Variants in RANBP2 observed in about 807,000 individuals in gnomAD.
The protein encoded by RANBP2 is E3 SUMO-protein ligase RanBP2.
Under a neutral mutation model 303.6 loss-of-function variants are expected in RANBP2, and 57 were observed. The observed-to-expected ratio is 0.19, with a 90% CI of 0.15 to 0.23. The LOEUF is 0.23. Among genes scored for constraint, RANBP2 ranks in the 10% least tolerant of loss-of-function variants. The pLI is 1.00. For synonymous variants in RANBP2, 1,167 were observed against 1,301.5 expected (o/e 0.90, Z 2.23); for missense variants, 3,138 against 3,780.8 (o/e 0.83, Z 4.46).
the RANBP2 span, among the ~76,000 whole-genome samples, chr2:109,017,108 T>C: frequency 1.3e-5 from 2 of 152,262 alleles, no homozygotes; most frequent in Non-Finnish European, 1.5e-5. Context: ...TCTTGACTTA[T>C]TCTCCCATCA....
At chr2:109,297,750 T>G in the RANBP2 span, among the ~76,000 whole-genome samples, 1 of 144,094 alleles carries the variant, frequency 6.9e-6, no homozygotes, top group East Asian at 2.1e-4. Flanking sequence ...ACAGTGTCCC[T>G]TATCCAGTCA....
At chr2:108,994,978 C>T in the RANBP2 span, among the ~76,000 whole-genome samples, 309 of 151,632 alleles carry the variant, frequency 2.0e-3, 1 homozygote, top group Non-Finnish European at 3.6e-3. Flanking sequence ...TACAGGCGCC[C>T]GCCACCACGC....
the RANBP2 span, chr2:109,419,409 C>A: frequency 1.1e-6 from 1 of 922,568 alleles, no homozygotes; most frequent in Middle Eastern, 2.2e-4. Flanking sequence ...AGGCACAGCA[C>A]GTTGGAGGCC....
the RANBP2 span, among the ~76,000 whole-genome samples, chr2:109,144,925 C>T: frequency 1.3e-5 from 2 of 152,178 alleles, no homozygotes; most frequent in Non-Finnish European, 1.5e-5. Context: ...GTGGACACTG[C>T]GCACTGTGGG....
At chr2:109,434,211 C>T in the RANBP2 span, among the ~76,000 whole-genome samples, 14 of 152,228 alleles carry the variant, frequency 9.2e-5, no homozygotes, top group Admixed American at 1.3e-4. Context: ...CCTGAGATGG[C>T]GGGTGTCCAC....
At chr2:109,529,466 A>G in the RANBP2 span, among the ~76,000 whole-genome samples, 12 of 152,184 alleles carry the variant, frequency 7.9e-5, no homozygotes, top group Non-Finnish European at 1.5e-4. Flanking sequence ...CAGCCCCTGC[A>G]CGGGGAAGGA....
At chr2:109,289,866 C>A in the RANBP2 span, among the ~76,000 whole-genome samples, 1 of 152,192 alleles carries the variant, frequency 6.6e-6, no homozygotes, top group East Asian at 1.9e-4. Flanking sequence ...TATTGTGTAT[C>A]GCATTGCGGG....
At chr2:108,993,253 G>A in the RANBP2 span, among the ~76,000 whole-genome samples, 1 of 152,136 alleles carries the variant, frequency 6.6e-6, no homozygotes, top group African/African-American at 2.4e-5. Context: ...TGGACCAAAG[G>A]TCTTGTACAA....
the RANBP2 span, among the ~76,000 whole-genome samples, chr2:109,694,903 G>T: frequency 6.7e-6 from 1 of 149,270 alleles, no homozygotes; most frequent in Non-Finnish European, 1.5e-5. Flanking sequence ...CCCACTCTCG[G>T]TTTCCTTCTA....
the RANBP2 span, among the ~76,000 whole-genome samples, chr2:109,149,021 C>G: frequency 6.6e-6 from 1 of 152,124 alleles, no homozygotes; most frequent in East Asian, 1.9e-4. Context: ...TGCAGATCCC[C>G]CTTTCTCTTC....
At chr2:109,452,981 G>A in the RANBP2 span, among the ~76,000 whole-genome samples, 1 of 151,160 alleles carries the variant, frequency 6.6e-6, no homozygotes, top group East Asian at 2.0e-4. Flanking sequence ...TCCCTGGGAG[G>A]CTATTCCCGG....
chr2:108,829,214 A>G, the RANBP2 span, among the ~76,000 whole-genome samples: 1 of 152,178 alleles, frequency 6.6e-6, no homozygotes, highest in South Asian at 2.1e-4. Context: ...GGGAGGAAAT[A>G]TTAGCAAATT....
chr2:109,583,577 T>C, the RANBP2 span, among the ~76,000 whole-genome samples: 1 of 152,208 alleles, frequency 6.6e-6, no homozygotes, highest in Non-Finnish European at 1.5e-5. Flanking sequence ...GAAAGCAGTT[T>C]GGAGATTTCT....
the RANBP2 span, among the ~76,000 whole-genome samples, chr2:109,509,346 C>A: frequency 3.9e-5 from 6 of 152,158 alleles, no homozygotes; most frequent in Non-Finnish European, 8.8e-5. Flanking sequence ...TATCAAAATA[C>A]CATGCACTGC....
chr2:108,961,768 T>C, the RANBP2 span, among the ~76,000 whole-genome samples: 1 of 152,068 alleles, frequency 6.6e-6, no homozygotes, highest in African/African-American at 2.4e-5. Context: ...GATCAGCCCA[T>C]GTGTTGGGTC....
At chr2:108,726,665 TG>T (rs1694738370) in intron 1 of RANBP2, among the ~76,000 whole-genome samples, 1 of 151,824 alleles carries the variant, frequency 6.6e-6, no homozygotes, top group Non-Finnish European at 1.5e-5. Flanking sequence ...TGATAATTCT[TG>T]GGTGTTTCTC....
Position 108,763,946 on chromosome 2 carries a change from G to A in RANBP2, c.3407G>A (p.Gly1136Asp), listed in dbSNP as rs1309975410. ...AGTGATGATATGTTTACTTTCCATG[G>A]TCCAGGGAAATCAGTATTTGGAACA... ...RRSDDMFTFH[G>D]PGKSVFGTPT... Residue 1136 changes from glycine to aspartate, a missense_variant, in exon 20 of 29, where the codon GGT (glycine) becomes GAT (aspartate). Gly to Asp is a moderately conservative substitution (Grantham distance 94). This residue lies in a region of RANBP2 where 403 missense variants were observed against 376.7 expected (regional missense o/e 1.07). Coordinates refer to ENST00000283195, the MANE Select transcript of RANBP2 (RefSeq NM_006267.5). 1.2e-6 allele frequency: 2 copies of A among 1,613,930 alleles called. No individual in the cohort carries two copies. The highest frequency in any genetic ancestry group is 4.5e-5 in the East Asian group (2 of 44,874).
At chr2:109,260,911 C>T in the RANBP2 span, among the ~76,000 whole-genome samples, 1 of 152,154 alleles carries the variant, frequency 6.6e-6, no homozygotes, top group African/African-American at 2.4e-5. Context: ...CCTGCCTCTG[C>T]TGTGAGAGGA....
At chr2:109,637,237 C>T in the RANBP2 span, among the ~76,000 whole-genome samples, 1 of 152,206 alleles carries the variant, frequency 6.6e-6, no homozygotes, top group African/African-American at 2.4e-5. Context: ...TTTCTGTAAA[C>T]ATGTCTCGCC....
Sources: gnomAD v4.1 joint callset for allele counts (sites outside exome capture counted in the v4.1 genomes callset) on GRCh38, gnomAD v4.1.1 for gene constraint, gnomAD v4.1.1 regional missense constraint, MANE v1.5 for transcripts, NCBI Gene and HGNC (gene_info 2026-07-23, HGNC 2026-07-21) for gene names.